The following RASGRF1 variants were observed in gnomAD, a reference collection of about 807,000 sequenced individuals.
RASGRF1 encodes the protein ras-specific guanine nucleotide-releasing factor 1.
A neutral mutation model predicts 138.7 loss-of-function variants in RASGRF1; 40 were observed. That is an observed-to-expected ratio of 0.29 (90% CI 0.22 to 0.38). The LOEUF is 0.38. RASGRF1 is among the 10% of genes least tolerant of loss of function. The probability of loss-of-function intolerance (pLI) is 1.00; values close to 1 mark genes in which losing one functional copy is unlikely to be tolerated. For synonymous variants in RASGRF1, 614 were observed against 663.2 expected (o/e 0.93, Z 1.14); for missense variants, 1,108 against 1,650.4 (o/e 0.67, Z 5.69).
At chr15:79,005,940 T>G (rs1595893982) in intron 14 of RASGRF1, among the ~76,000 whole-genome samples, 1 of 151,790 alleles carries the variant, frequency 6.6e-6, no homozygotes, top group Non-Finnish European at 1.5e-5. Context: ...TCCTGGCAGG[T>G]GGAGATGGAA....
chr15:79,026,875 C>T (rs1271062276), intron 9 of RASGRF1, among the ~76,000 whole-genome samples: 2 of 152,202 alleles, frequency 1.3e-5, no homozygotes, highest in Non-Finnish European at 2.9e-5. Context: ...GCTCTGAGCT[C>T]AGCAGGTCAC....
chr15:79,074,105 G>A (rs117341441), intron 1 of RASGRF1, among the ~76,000 whole-genome samples: 1 of 152,336 alleles, frequency 6.6e-6, no homozygotes, highest in Non-Finnish European at 1.5e-5. Context: ...TCCTACTTCA[G>A]TATCCCAGTT....
chr15:79,006,093 C>A lies in RASGRF1; in HGVS notation c.2075+93G>T. 1 of 1,551,434 alleles carries A rather than the reference C, an allele frequency of 6.4e-7. No individual in the cohort carries two copies. Among genetic ancestry groups the A allele is most frequent in the South Asian group, 1.2e-5 (1 of 83,206 alleles). Reference sequence around the variant, plus strand: ...ACGTTACTGCTGCTCCTCCAGGGACCTTCCAGGTCACCCCCCGGCCCCGTG... The same window carrying A: ...ACGTTACTGCTGCTCCTCCAGGGACATTCCAGGTCACCCCCCGGCCCCGTG... On this transcript the variant is annotated intron_variant, in intron 14 of 26. Coordinates refer to ENST00000558480, the MANE Select transcript of RASGRF1 (RefSeq NM_001145648.3). This position sits in a 1 kb window ranked among gnomAD's most constrained non-coding sequence, Gnocchi z 4.0.
At chr15:79,061,818 C>T (rs4778628) in intron 2 of RASGRF1, among the ~76,000 whole-genome samples, 124,503 of 152,172 alleles carry the variant, frequency 0.82, 51,334 homozygotes, top group East Asian at 0.93. Context: ...GATGGACACG[C>T]TGGCTATTCT....
At chr15:79,086,087 C>T (rs1034390674) in intron 1 of RASGRF1, among the ~76,000 whole-genome samples, 5 of 152,098 alleles carry the variant, frequency 3.3e-5, no homozygotes, top group Non-Finnish European at 7.4e-5. Context: ...CCTGGGGCCC[C>T]ACACCTGCTA....
intron 22 of RASGRF1, among the ~76,000 whole-genome samples, chr15:78,987,455 G>A (rs1245679208): frequency 6.6e-6 from 1 of 152,140 alleles, no homozygotes; most frequent in Admixed American, 6.6e-5. Flanking sequence ...CCAGTACTTT[G>A]GGAGCTGAGG....
intron 5 of RASGRF1, among the ~76,000 whole-genome samples, chr15:79,040,231 C>T (rs1472261734): frequency 6.6e-6 from 1 of 152,046 alleles, no homozygotes; most frequent in Non-Finnish European, 1.5e-5. Context: ...TCACCTATCA[C>T]CCCCTCCCCC....
intron 11 of RASGRF1, among the ~76,000 whole-genome samples, chr15:79,018,587 G>A (rs896332693): frequency 6.6e-6 from 1 of 152,240 alleles, no homozygotes; most frequent in Admixed American, 6.5e-5. Context: ...CTCTATGGCT[G>A]TGTGATGTTG....
At chr15:79,030,016 G>A (rs1169835255) in intron 8 of RASGRF1, among the ~76,000 whole-genome samples, 1 of 152,166 alleles carries the variant, frequency 6.6e-6, no homozygotes. Flanking sequence ...GGATCCCTGG[G>A]CATGGGAGGA....
At chr15:79,003,111 C>A (rs1362017148) in intron 15 of RASGRF1, among the ~76,000 whole-genome samples, 3 of 152,262 alleles carry the variant, frequency 2.0e-5, no homozygotes, top group Non-Finnish European at 4.4e-5. Flanking sequence ...GCCTGTCTCA[C>A]ACTCAGCATT....
At chr15:79,057,481 G>A (rs575645858) in intron 3 of RASGRF1, among the ~76,000 whole-genome samples, 1 of 152,334 alleles carries the variant, frequency 6.6e-6, no homozygotes, top group East Asian at 1.9e-4. Flanking sequence ...AGGAGTCTTT[G>A]TTTTCATTTT....
In RASGRF1 at chr15:79,068,471, C is replaced by CTA. The variant is rs55712182; in HGVS notation, c.277-3947_277-3946dup. Among the ~76,000 whole-genome samples, 925 of 124,854 alleles carry CTA rather than the reference C, an allele frequency of 7.4e-3. 4 individuals are homozygous for CTA. The highest frequency in any genetic ancestry group is 0.01 in the South Asian group (39 of 3,810). The allele number at this position is 124,854 out of a possible 152,430, so 81.9% of individuals were successfully genotyped here. On this transcript the variant is annotated intron_variant, in intron 1 of 26. Transcript: ENST00000558480. ...AGCTGGGCTCAAGGTCTTTTTGAGC[C>CTA]TATATATATATATATATATATACAC...
intron 3 of RASGRF1, among the ~76,000 whole-genome samples, chr15:79,054,933 G>T (rs2057490449): frequency 6.6e-6 from 1 of 152,186 alleles, no homozygotes; most frequent in African/African-American, 2.4e-5. Flanking sequence ...TATGTGGGAT[G>T]GGGCCTGAGG....
chr15:79,076,584 T>C (rs1289814674), intron 1 of RASGRF1, among the ~76,000 whole-genome samples: 1 of 152,106 alleles, frequency 6.6e-6, no homozygotes, highest in Non-Finnish European at 1.5e-5. Context: ...TGCTGAGCTC[T>C]AAGTGCAAGT....
At position 78,976,486 on chromosome 15, in the gene RASGRF1, T is replaced by A. The variant is rs532978151; in HGVS notation, c.3495-3066A>T. Among the ~76,000 whole-genome samples the A allele has an allele frequency of 1.6e-4, 24 of 152,230 alleles. No individual in the cohort carries two copies. In the East Asian group the frequency reaches 4.4e-3, roughly 28 times the overall value. ...AACCATCCTGGGCCATATGCGGCCCTTAGGCCACGGGTTGGACAAGCTTGC... is the reference window on the plus strand; with the variant it reads ...AACCATCCTGGGCCATATGCGGCCCATAGGCCACGGGTTGGACAAGCTTGC... On this transcript the variant is annotated intron_variant, in intron 24 of 26. Coordinates refer to ENST00000558480, the MANE Select transcript of RASGRF1 (RefSeq NM_001145648.3).
intron 23 of RASGRF1, among the ~76,000 whole-genome samples, chr15:78,982,208 G>T (rs1000108850): frequency 3.3e-5 from 5 of 152,224 alleles, no homozygotes; most frequent in Non-Finnish European, 7.3e-5. Flanking sequence ...AGACACAGAA[G>T]CTTGATCAGG....
At chr15:79,040,508 C>A (rs1159337628) in intron 5 of RASGRF1, among the ~76,000 whole-genome samples, 2 of 152,218 alleles carry the variant, frequency 1.3e-5, no homozygotes, top group Non-Finnish European at 2.9e-5. Flanking sequence ...CTCCCTCTTC[C>A]CTATGCCCTC....
At chr15:79,033,036 G>A (rs1041275855) in intron 6 of RASGRF1, among the ~76,000 whole-genome samples, 3 of 152,078 alleles carry the variant, frequency 2.0e-5, no homozygotes, top group Non-Finnish European at 2.9e-5. Context: ...CTGCTCCTTC[G>A]TTCATCTGCC....
At chr15:79,083,289 G>A (rs975831288) in intron 1 of RASGRF1, among the ~76,000 whole-genome samples, 8 of 152,204 alleles carry the variant, frequency 5.3e-5, no homozygotes, top group African/African-American at 9.7e-5. Flanking sequence ...CACGACAGTC[G>A]CCCTCACGGA....
Sources: allele counts gnomAD v4.1 joint callset (sites outside exome capture counted in the v4.1 genomes callset), GRCh38; gene constraint gnomAD v4.1.1; non-coding constraint Gnocchi (gnomAD v3.1); transcripts MANE v1.5; gene names NCBI Gene and HGNC (gene_info 2026-07-23, HGNC 2026-07-21).